The following RPS6KC1 variants were observed in gnomAD, a reference collection of about 807,000 sequenced individuals.
The protein encoded by RPS6KC1 is ribosomal protein S6 kinase C1.
Under a neutral mutation model 103.8 loss-of-function variants are expected in RPS6KC1, and 54 were observed. That is an observed-to-expected ratio of 0.52 (90% CI 0.42 to 0.65). RPS6KC1 has a LOEUF of 0.65. Among genes scored for constraint, RPS6KC1 ranks in the 30% least tolerant of loss-of-function variants. RPS6KC1 has a pLI of 0.00. For synonymous variants in RPS6KC1, 439 were observed against 438.7 expected (o/e 1.00, Z -0.01); for missense variants, 1,151 against 1,253.8 (o/e 0.92, Z 1.24).
At chr1:213,412,016 A>C in the RPS6KC1 span, among the ~76,000 whole-genome samples, 1 of 152,154 alleles carries the variant, frequency 6.6e-6, no homozygotes. Flanking sequence ...CTTTTTGCTC[A>C]CTTCCAATGT....
At chr1:213,262,023 G>A (rs1347927282) in intron 13 of RPS6KC1, among the ~76,000 whole-genome samples, 1 of 152,124 alleles carries the variant, frequency 6.6e-6, no homozygotes, top group Non-Finnish European at 1.5e-5. Context: ...TCTTATTTAA[G>A]AAAATTAACG....
At chr1:213,199,708 T>G (rs2093082805) in intron 8 of RPS6KC1, among the ~76,000 whole-genome samples, 1 of 152,136 alleles carries the variant, frequency 6.6e-6, no homozygotes, top group South Asian at 2.1e-4. Context: ...AAATTATCCC[T>G]GTTTGCACAG....
chr1:213,211,621 A>C (rs979890293), intron 8 of RPS6KC1, among the ~76,000 whole-genome samples: 3 of 152,232 alleles, frequency 2.0e-5, no homozygotes, highest in Non-Finnish European at 4.4e-5. Flanking sequence ...ACAAAGTAAA[A>C]TTCTTTTTAC....
chr1:213,314,969 A>G, the RPS6KC1 span, among the ~76,000 whole-genome samples: 3 of 152,248 alleles, frequency 2.0e-5, no homozygotes, highest in Admixed American at 1.3e-4. Context: ...GGAGACAAGC[A>G]TAGGTCTTAA....
At chr1:213,237,830 C>T (rs936899798) in intron 10 of RPS6KC1, among the ~76,000 whole-genome samples, 1 of 151,978 alleles carries the variant, frequency 6.6e-6, no homozygotes, top group Non-Finnish European at 1.5e-5. Flanking sequence ...GTATCATTTA[C>T]AGTCTTAGAG....
intron 3 of RPS6KC1, among the ~76,000 whole-genome samples, chr1:213,091,717 A>G (rs2080982617): frequency 6.6e-6 from 1 of 152,234 alleles, no homozygotes; most frequent in Non-Finnish European, 1.5e-5. Context: ...TCAAGCTTAC[A>G]GTGGTTTGAC....
At chr1:213,331,133 G>A in the RPS6KC1 span, among the ~76,000 whole-genome samples, 175 of 152,360 alleles carry the variant, frequency 1.1e-3, 1 homozygote, top group African/African-American at 3.8e-3. Context: ...GACTGCTAAT[G>A]TGCTGGCACA....
At chr1:213,206,355 G>C (rs2093349530) in intron 8 of RPS6KC1, among the ~76,000 whole-genome samples, 1 of 152,178 alleles carries the variant, frequency 6.6e-6, no homozygotes, top group South Asian at 2.1e-4. Flanking sequence ...TTCAGCTTCA[G>C]GGCCTTTTAT....
intron 6 of RPS6KC1, among the ~76,000 whole-genome samples, chr1:213,158,405 C>T (rs1379474771): frequency 6.6e-6 from 1 of 152,168 alleles, no homozygotes; most frequent in East Asian, 1.9e-4. Flanking sequence ...ACAGCTTCCT[C>T]AAAATAACCA....
At chr1:213,291,561 T>C in the RPS6KC1 span, among the ~76,000 whole-genome samples, 1 of 152,196 alleles carries the variant, frequency 6.6e-6, no homozygotes, top group Non-Finnish European at 1.5e-5. Flanking sequence ...GGTGCTTTTC[T>C]GTCAGGTAAA....
At chr1:213,271,479 T>C (rs1558670648) in intron 14 of RPS6KC1, among the ~76,000 whole-genome samples, 1 of 151,644 alleles carries the variant, frequency 6.6e-6, no homozygotes, top group Non-Finnish European at 1.5e-5. Flanking sequence ...CAAAATGTTC[T>C]AAAAGGCCGG....
chr1:213,369,701 C>T, the RPS6KC1 span, among the ~76,000 whole-genome samples: 1 of 152,236 alleles, frequency 6.6e-6, no homozygotes, highest in Non-Finnish European at 1.5e-5. Flanking sequence ...TGGATAATTG[C>T]CAAATATCTT....
At chr1:213,071,898 G>A (rs1307623236) in intron 2 of RPS6KC1, among the ~76,000 whole-genome samples, 1 of 151,414 alleles carries the variant, frequency 6.6e-6, no homozygotes, top group African/African-American at 2.4e-5. Flanking sequence ...AATGGTACCA[G>A]CCTGTTATGT....
At chr1:213,736,250 T>A in the RPS6KC1 span, among the ~76,000 whole-genome samples, 1 of 152,200 alleles carries the variant, frequency 6.6e-6, no homozygotes, top group Non-Finnish European at 1.5e-5. Context: ...CAGGGTCCTC[T>A]AGTCAGGGTC....
intron 3 of RPS6KC1, among the ~76,000 whole-genome samples, chr1:213,086,296 TGCCTGCG>T (rs1472698620): frequency 6.6e-6 from 1 of 152,252 alleles, no homozygotes; most frequent in Admixed American, 6.5e-5. Flanking sequence ...TGTCAGTTAC[TGCCTGCG>T]GCTCCTTGCC....
chr1:213,480,048 A>G, the RPS6KC1 span, among the ~76,000 whole-genome samples: 1 of 152,014 alleles, frequency 6.6e-6, no homozygotes, highest in East Asian at 1.9e-4. Flanking sequence ...TCATAGAGGA[A>G]TCTTCTTTGT....
At chr1:213,582,421 A>T in the RPS6KC1 span, among the ~76,000 whole-genome samples, 1 of 152,128 alleles carries the variant, frequency 6.6e-6, no homozygotes, top group Non-Finnish European at 1.5e-5. Flanking sequence ...TTGTCAAAAC[A>T]CCTAAAATCC....
chr1:213,572,966 G>T, the RPS6KC1 span, among the ~76,000 whole-genome samples: 3 of 151,830 alleles, frequency 2.0e-5, no homozygotes, highest in Admixed American at 1.3e-4. Flanking sequence ...TGGTCCCTTT[G>T]TGCCCTGATA....
chr1:213,756,893 G>A, the RPS6KC1 span, among the ~76,000 whole-genome samples: 1 of 152,040 alleles, frequency 6.6e-6, no homozygotes, highest in Non-Finnish European at 1.5e-5. Context: ...TAATAGGAGT[G>A]AGCCACTGCA....
Sources: allele counts gnomAD v4.1 joint callset (sites outside exome capture counted in the v4.1 genomes callset), GRCh38; gene constraint gnomAD v4.1.1; transcripts MANE v1.5; gene names NCBI Gene and HGNC (gene_info 2026-07-23, HGNC 2026-07-21).